TMEM132D: variants seen among roughly 807,000 people sequenced by gnomAD.
The protein encoded by TMEM132D is mature OL transmembrane protein.
Under a neutral mutation model 62.3 loss-of-function variants are expected in TMEM132D, and 21 were observed. The ratio of observed to expected loss-of-function variants is 0.34; its 90% CI spans 0.24 to 0.49. The LOEUF is 0.49. Among genes scored for constraint, TMEM132D ranks in the 20% least tolerant of loss-of-function variants. TMEM132D has a pLI of 0.99. For missense variants in TMEM132D, 1,346 were observed against 1,402.8 expected (o/e 0.96, Z 0.65); for synonymous variants, 621 against 575.6 (o/e 1.08, Z -1.13).
chr12:129,843,739 A>G (rs886578242), intron 1 of TMEM132D, among the ~76,000 whole-genome samples: 2 of 152,270 alleles, frequency 1.3e-5, no homozygotes, highest in African/African-American at 4.8e-5. Flanking sequence ...CTAACAAAAT[A>G]GATATTGAAA....
chr12:129,711,128 G>A (rs1479787149), intron 1 of TMEM132D, among the ~76,000 whole-genome samples: 1 of 152,162 alleles, frequency 6.6e-6, no homozygotes, highest in Non-Finnish European at 1.5e-5. Flanking sequence ...TCCAAAACTT[G>A]AAATGTAACG....
At chr12:129,490,891 C>T (rs1176589798) in intron 3 of TMEM132D, among the ~76,000 whole-genome samples, 3 of 152,166 alleles carry the variant, frequency 2.0e-5, no homozygotes, top group South Asian at 4.2e-4. Context: ...TGTAGCTTCA[C>T]ATCCAGTTTC....
intron 4 of TMEM132D, among the ~76,000 whole-genome samples, chr12:129,281,778 T>C (rs1881160103): frequency 6.6e-6 from 1 of 152,210 alleles, no homozygotes; most frequent in Non-Finnish European, 1.5e-5. Context: ...GACCTGCCTT[T>C]GGCCAGCCAG....
intron 2 of TMEM132D, among the ~76,000 whole-genome samples, chr12:129,692,845 C>T (rs1267768147): frequency 6.6e-6 from 1 of 151,442 alleles, no homozygotes; most frequent in Non-Finnish European, 1.5e-5. Flanking sequence ...TGGGGCCTGT[C>T]GGGGGAGGGC....
chr12:129,208,429 C>T (rs1878921073), intron 5 of TMEM132D, among the ~76,000 whole-genome samples: 1 of 152,174 alleles, frequency 6.6e-6, no homozygotes, highest in African/African-American at 2.4e-5. Flanking sequence ...TTTCTGACAT[C>T]TCTGCCTTCT....
At chr12:129,257,239 C>T (rs1340202582) in intron 4 of TMEM132D, among the ~76,000 whole-genome samples, 4 of 142,364 alleles carry the variant, frequency 2.8e-5, no homozygotes, top group Non-Finnish European at 4.5e-5. Context: ...TAGAGTCTCA[C>T]TCTGTCGCCC....
At chr12:129,082,947 A>C (rs1874502370) in intron 6 of TMEM132D, among the ~76,000 whole-genome samples, 2 of 151,910 alleles carry the variant, frequency 1.3e-5, no homozygotes, top group African/African-American at 2.4e-5. Flanking sequence ...CCAGGCTCAA[A>C]CTCCTGAGCT....
chr12:129,881,950 C>T (rs987128382), intron 1 of TMEM132D, among the ~76,000 whole-genome samples: 1 of 151,908 alleles, frequency 6.6e-6, no homozygotes, highest in Non-Finnish European at 1.5e-5. Context: ...GGAATTATCG[C>T]TACAGATCTA....
At chr12:129,315,262 A>G (rs1201494587) in intron 4 of TMEM132D, among the ~76,000 whole-genome samples, 3 of 152,090 alleles carry the variant, frequency 2.0e-5, no homozygotes, top group Non-Finnish European at 4.4e-5. Flanking sequence ...CCCATTCAGT[A>G]TTATGTTGGC....
chr12:129,658,074 T>G (rs1410340637), intron 2 of TMEM132D, among the ~76,000 whole-genome samples: 3 of 152,120 alleles, frequency 2.0e-5, no homozygotes, highest in Non-Finnish European at 2.9e-5. Flanking sequence ...TAGTAACAAG[T>G]GCTTGAGAGA....
intron 2 of TMEM132D, among the ~76,000 whole-genome samples, chr12:129,642,406 G>A (rs1879662988): frequency 1.3e-5 from 2 of 152,330 alleles, no homozygotes; most frequent in South Asian, 4.1e-4. Flanking sequence ...ACCTTCGAGA[G>A]CAGCAGAGTT....
chr12:129,090,666 TGAAAAAAAAA>T (rs956965956), intron 5 of TMEM132D, among the ~76,000 whole-genome samples: 3 of 127,892 alleles, frequency 2.3e-5, no homozygotes, highest in African/African-American at 8.2e-5. Context: ...AGACCCTGTC[TGAAAAAAAAA>T]GAAAAGAAAA....
chr12:129,594,784 C>T (rs1878289505), intron 2 of TMEM132D, among the ~76,000 whole-genome samples: 1 of 152,192 alleles, frequency 6.6e-6, no homozygotes, highest in Non-Finnish European at 1.5e-5. Flanking sequence ...CGGACTCCCC[C>T]TCCCCTCTCT....
At chr12:129,486,127 G>C (rs917616061) in intron 3 of TMEM132D, among the ~76,000 whole-genome samples, 1 of 152,200 alleles carries the variant, frequency 6.6e-6, no homozygotes, top group South Asian at 2.1e-4. Context: ...AAGACTGATC[G>C]GTGTCGGTAT....
At chr12:129,563,398 G>T (rs2137114791) in intron 2 of TMEM132D, among the ~76,000 whole-genome samples, 1 of 152,266 alleles carries the variant, frequency 6.6e-6, no homozygotes, top group African/African-American at 2.4e-5. Flanking sequence ...CCTGTGCATA[G>T]CTGAGGATAT....
intron 1 of TMEM132D, among the ~76,000 whole-genome samples, chr12:129,804,807 A>G (rs2137310467): frequency 1.0e-5 from 1 of 97,986 alleles, no homozygotes; most frequent in East Asian, 2.8e-4. Context: ...GTCTCAGCCC[A>G]AAATCTCCTT....
chr12:129,268,512 A>G lies in TMEM132D; in HGVS notation c.1300-58849T>C, dbSNP rs549061382. Among the ~76,000 whole-genome samples the G allele has an allele frequency of 9.2e-5, 14 of 152,302 alleles. No individual in the cohort carries two copies. In the East Asian group the frequency reaches 1.9e-3, roughly 21 times the overall value. ...ACCATCTCACACCAGTTAGAATGGC[A>G]ATCATTAAAAAGTCAGGAAACAACA... is the stretch of plus-strand genomic sequence containing the variant. On this transcript the variant is annotated intron_variant, in intron 4 of 8. Coordinates refer to ENST00000422113, the MANE Select transcript of TMEM132D (RefSeq NM_133448.3).
At chr12:129,328,622 T>C (rs982676354) in intron 4 of TMEM132D, among the ~76,000 whole-genome samples, 1 of 152,248 alleles carries the variant, frequency 6.6e-6, no homozygotes, top group Non-Finnish European at 1.5e-5. Context: ...AGTGGCTTTG[T>C]GCATAATAAA....
At chr12:129,655,566 T>A (rs144445528) in intron 2 of TMEM132D, among the ~76,000 whole-genome samples, 1 of 152,104 alleles carries the variant, frequency 6.6e-6, no homozygotes, top group East Asian at 1.9e-4. Context: ...CTTTTCTACT[T>A]ACCCTTCGTG....
Sources: allele counts gnomAD v4.1 joint callset (sites outside exome capture counted in the v4.1 genomes callset), GRCh38; gene constraint gnomAD v4.1.1; transcripts MANE v1.5; gene names NCBI Gene and HGNC (gene_info 2026-07-23, HGNC 2026-07-21).